KIF6: variants seen among roughly 807,000 people sequenced by gnomAD.
The protein encoded by KIF6 is kinesin-like protein KIF6.
KIF6 carries 106 observed loss-of-function variants against 112.7 expected under a neutral mutation model. The ratio of observed to expected loss-of-function variants is 0.94; its 90% confidence interval spans 0.80 to 1.11. KIF6 has a LOEUF of 1.11. Ranked by LOEUF, KIF6 falls within the 50% of genes least tolerant of loss-of-function variation. The pLI is 0.00. For synonymous variants in KIF6, 339 were observed against 339.9 expected, an observed-to-expected ratio of 1.00 and a Z score of 0.03; for missense variants, 929 against 964.0, an observed-to-expected ratio of 0.96 and a Z score of 0.48.
intron 10 of KIF6, among the ~76,000 whole-genome samples, chr6:39,571,509 A>T (rs895494447): frequency 6.6e-6 from 1 of 152,204 alleles, no homozygotes; most frequent in African/African-American, 2.4e-5. Context: ...CTGTCTCTCC[A>T]CAAGAATGTA....
At chr6:39,649,967 C>T (rs1785387405) in intron 3 of KIF6, among the ~76,000 whole-genome samples, 1 of 152,172 alleles carries the variant, frequency 6.6e-6, no homozygotes. Context: ...AGGACTCCCA[C>T]TCTTGGATAT....
intron 14 of KIF6, among the ~76,000 whole-genome samples, chr6:39,421,490 T>C (rs1770356895): frequency 6.6e-6 from 1 of 152,136 alleles, no homozygotes; most frequent in Non-Finnish European, 1.5e-5. Context: ...TTGACTGGGA[T>C]TGTGTTGGAG....
At chr6:39,681,547 T>C (rs1473837862) in intron 3 of KIF6, among the ~76,000 whole-genome samples, 2 of 152,172 alleles carry the variant, frequency 1.3e-5, no homozygotes, top group Non-Finnish European at 2.9e-5. Context: ...CTTCCTCAAC[T>C]ACCCCTACTT....
chr6:39,529,717 G>A (rs1777933738), intron 13 of KIF6, among the ~76,000 whole-genome samples: 1 of 152,148 alleles, frequency 6.6e-6, no homozygotes, highest in Non-Finnish European at 1.5e-5. Flanking sequence ...AACCCAGGAG[G>A]CGGAGCTTGC....
intron 19 of KIF6, chr6:39,353,655 C>A (rs1211243482): frequency 6.4e-6 from 1 of 157,278 alleles, no homozygotes; most frequent in African/African-American, 2.4e-5. Context: ...CAAAACACAT[C>A]ATGTCAGTTA....
intron 15 of KIF6, among the ~76,000 whole-genome samples, chr6:39,397,807 C>T (rs1035205724): frequency 1.3e-5 from 2 of 151,950 alleles, no homozygotes; most frequent in Non-Finnish European, 2.9e-5. Context: ...GCAGGGGGAG[C>T]GGGAAATCAG....
intron 3 of KIF6, among the ~76,000 whole-genome samples, chr6:39,662,702 T>C (rs1027451893): frequency 6.6e-6 from 1 of 152,066 alleles, no homozygotes; most frequent in Non-Finnish European, 1.5e-5. Flanking sequence ...ACTGAGCCCC[T>C]ATCTCAAAAA....
rs1009358066 is a variant in KIF6, at chr6:39,398,343, C to T, written c.1811-12671G>A. 4.6e-5 allele frequency among the ~76,000 whole-genome samples: 7 copies of T among 152,286 alleles called. No individual in the cohort carries two copies. In the South Asian group the frequency reaches 6.2e-4, roughly 14 times the overall value. On this transcript the variant is annotated intron_variant, in intron 15 of 22. Coordinates refer to ENST00000287152, the MANE Select transcript of KIF6 (RefSeq NM_145027.6). Reference sequence around the variant, plus strand: ...CACAGCACTTGTTTCTAATCCTCATCGAAGCAGAAGTTGATTTCATTTCAG... The same window carrying T: ...CACAGCACTTGTTTCTAATCCTCATTGAAGCAGAAGTTGATTTCATTTCAG...
intron 13 of KIF6, among the ~76,000 whole-genome samples, chr6:39,520,893 A>G (rs1367082434): frequency 6.6e-6 from 1 of 152,230 alleles, no homozygotes; most frequent in Non-Finnish European, 1.5e-5. Context: ...CCTAACTGTC[A>G]TAGGAGCAGA....
chr6:39,528,595 G>A (rs558425500), intron 13 of KIF6, among the ~76,000 whole-genome samples: 32 of 152,280 alleles, frequency 2.1e-4, no homozygotes, highest in South Asian at 1.2e-3. Flanking sequence ...CACCAACAGT[G>A]TACAAGGGTT....
At chr6:39,436,097 C>T (rs886232941) in intron 13 of KIF6, among the ~76,000 whole-genome samples, 2 of 152,084 alleles carry the variant, frequency 1.3e-5, no homozygotes, top group Non-Finnish European at 2.9e-5. Context: ...TTTTAATTTG[C>T]ATTTCCCTGA....
At chr6:39,689,323 C>T (rs1788045175) in intron 3 of KIF6, among the ~76,000 whole-genome samples, 1 of 152,012 alleles carries the variant, frequency 6.6e-6, no homozygotes, top group East Asian at 1.9e-4. Flanking sequence ...TAGTGAAACC[C>T]TGTCTCTACA....
At chr6:39,537,555 T>G (rs373005911) in intron 13 of KIF6, among the ~76,000 whole-genome samples, 133 of 151,396 alleles carry the variant, frequency 8.8e-4, no homozygotes, top group Middle Eastern at 3.4e-3. Flanking sequence ...CACTGCTCAA[T>G]GAAATAAAAG....
At chr6:39,439,082 AATG>A (rs1181446914) in intron 13 of KIF6, among the ~76,000 whole-genome samples, 1 of 152,168 alleles carries the variant, frequency 6.6e-6, no homozygotes, top group Admixed American at 6.5e-5. Context: ...ATGTTCACAA[AATG>A]ATGAAGTCAC....
rs542211538 is a variant in KIF6, at chr6:39,337,018, C to T, written c.2429-470G>A. ...TCCTTCCTTTCTTCCCTCCCTCCCT[C>T]CCTTCCTTCCTTTCTTTTCCTTCCT... is the stretch of plus-strand genomic sequence containing the variant. On this transcript the variant is annotated intron_variant, in intron 22 of 22. Coordinates refer to ENST00000287152, the MANE Select transcript of KIF6 (RefSeq NM_145027.6). 1.1e-3 allele frequency among the ~76,000 whole-genome samples: 144 copies of T among 136,784 alleles called. No individual in the cohort carries two copies. The Middle Eastern group carries it at 0.015, about 15-fold the overall frequency. The allele number at this position is 136,784 out of a possible 152,430, so 89.7% of individuals were successfully genotyped here.
At chr6:39,681,323 C>A (rs1787495800) in intron 3 of KIF6, among the ~76,000 whole-genome samples, 1 of 152,072 alleles carries the variant, frequency 6.6e-6, no homozygotes, top group Non-Finnish European at 1.5e-5. Flanking sequence ...CTGCCAACAC[C>A]AAATAGTTCA....
chr6:39,604,730 T>C (rs1435077445), intron 6 of KIF6, among the ~76,000 whole-genome samples: 1 of 152,176 alleles, frequency 6.6e-6, no homozygotes, highest in Non-Finnish European at 1.5e-5. Context: ...AATAAGAATG[T>C]TCTAATAATT....
chr6:39,697,837 C>T (rs758083941), intron 3 of KIF6, among the ~76,000 whole-genome samples: 2 of 152,096 alleles, frequency 1.3e-5, no homozygotes, highest in Non-Finnish European at 2.9e-5. Context: ...CATGAGCCAC[C>T]GTGCCCGGCC....
intron 13 of KIF6, among the ~76,000 whole-genome samples, chr6:39,476,215 A>AAATT (rs1186405548): frequency 8.4e-6 from 1 of 119,328 alleles, no homozygotes. Context: ...AAATTAAATT[A>AAATT]AAAAAAAAAA....
Sources: gnomAD v4.1 joint callset for allele counts (sites outside exome capture counted in the v4.1 genomes callset) on GRCh38, gnomAD v4.1.1 for gene constraint, MANE v1.5 for transcripts, NCBI Gene and HGNC (gene_info 2026-07-23, HGNC 2026-07-21) for gene names.